The following EBF1 variants were observed in gnomAD, a reference collection of about 807,000 sequenced individuals.
EBF1 encodes transcription factor COE1.
In EBF1, 10 loss-of-function variants were observed where a neutral mutation model predicts 68.4. The observed-to-expected ratio is 0.15, with a 90% CI of 0.09 to 0.25. The LOEUF is 0.25. Ranked by LOEUF, EBF1 falls within the 10% of genes least tolerant of loss-of-function variation. The pLI, the probability that EBF1 is intolerant of heterozygous loss-of-function variation, is 1.00. For synonymous variants in EBF1, 298 were observed against 299.8 expected (o/e 0.99, Z 0.06); for missense variants, 509 against 794.4 (o/e 0.64, Z 4.32).
intron 6 of EBF1, among the ~76,000 whole-genome samples, chr5:158,889,825 A>G (rs188745717): frequency 2.1e-4 from 32 of 152,338 alleles, no homozygotes; most frequent in Non-Finnish European, 4.0e-4. Context: ...CACAGATTCA[A>G]CCAACCACAA....
intron 11 of EBF1, among the ~76,000 whole-genome samples, chr5:158,724,071 G>A: frequency 6.6e-6 from 1 of 152,154 alleles, no homozygotes; most frequent in Middle Eastern, 3.2e-3. Flanking sequence ...ATGGGGAAAT[G>A]GAATCTGCCT....
chr5:158,873,121 A>G (rs1239225053), intron 6 of EBF1, among the ~76,000 whole-genome samples: 2 of 147,474 alleles, frequency 1.4e-5, no homozygotes, highest in Non-Finnish European at 3.0e-5. Flanking sequence ...ACTCTGACTT[A>G]CTATAGTGGA....
At chr5:158,912,780 T>A (rs974791286) in intron 6 of EBF1, among the ~76,000 whole-genome samples, 3 of 152,178 alleles carry the variant, frequency 2.0e-5, no homozygotes, top group African/African-American at 7.2e-5. Context: ...GTGCCATGTT[T>A]TATACATCAC....
chr5:158,995,496 C>G (rs1162117934), intron 6 of EBF1, among the ~76,000 whole-genome samples: 3 of 152,140 alleles, frequency 2.0e-5, no homozygotes, highest in Admixed American at 6.5e-5. Flanking sequence ...CTTCTGAGTC[C>G]TGAGTCTAAA....
At chr5:158,962,168 CAA>C (rs1205802268) in intron 6 of EBF1, among the ~76,000 whole-genome samples, 1 of 152,152 alleles carries the variant, frequency 6.6e-6, no homozygotes, top group Non-Finnish European at 1.5e-5. Context: ...AATACGTAAA[CAA>C]CATTGTCAAC....
chr5:158,932,040 A>G (rs1304618760), intron 6 of EBF1, among the ~76,000 whole-genome samples: 1 of 152,200 alleles, frequency 6.6e-6, no homozygotes, highest in South Asian at 2.1e-4. Context: ...GTATGGATAC[A>G]GTGGATGGGC....
chr5:159,083,700 C>T (rs1475864632), intron 5 of EBF1, among the ~76,000 whole-genome samples: 1 of 152,244 alleles, frequency 6.6e-6, no homozygotes, highest in Non-Finnish European at 1.5e-5. Context: ...CATGCTGAGG[C>T]AGCAGCTGAA....
At chr5:158,727,024 C>A (rs1021237858) in intron 11 of EBF1, among the ~76,000 whole-genome samples, 1 of 152,194 alleles carries the variant, frequency 6.6e-6, no homozygotes, top group Non-Finnish European at 1.5e-5. Context: ...ACAACAATGC[C>A]GTGAGGCAGC....
chr5:158,715,271 T>C (rs1259506881), intron 11 of EBF1, among the ~76,000 whole-genome samples: 5 of 152,208 alleles, frequency 3.3e-5, no homozygotes, highest in Admixed American at 2.6e-4. Context: ...ACAATAGATT[T>C]CTACATGGAG....
rs373012917 is a variant in EBF1 at position 158,889,506 on chromosome 5, G to A, written c.555-49396C>T. Among the ~76,000 whole-genome samples, 308 of 152,304 alleles carry A rather than the reference G, an allele frequency of 2.0e-3. 3 individuals carry two copies. The highest frequency in any genetic ancestry group is 7.2e-3 in the African/African-American group (301 of 41,570). On this transcript the variant is annotated intron_variant, in intron 6 of 15. Transcript: ENST00000313708. ...GGAAAAAAACCTCAATGATGGCAAAGCTGAGCAGAAAGCTTGAGAATAAGT... is the reference window on the plus strand; with the variant it reads ...GGAAAAAAACCTCAATGATGGCAAAACTGAGCAGAAAGCTTGAGAATAAGT...
At chr5:158,936,822 C>T (rs183772984) in intron 6 of EBF1, among the ~76,000 whole-genome samples, 7 of 152,126 alleles carry the variant, frequency 4.6e-5, no homozygotes, top group African/African-American at 7.2e-5. Context: ...AGAGTAGGCA[C>T]GAGATAAATG....
chr5:159,039,079 T>G (rs750207981), intron 6 of EBF1, among the ~76,000 whole-genome samples: 14 of 152,232 alleles, frequency 9.2e-5, no homozygotes, highest in Non-Finnish European at 1.8e-4. Flanking sequence ...ATCCATTTAC[T>G]CAATCTGCTA....
intron 10 of EBF1, among the ~76,000 whole-genome samples, chr5:158,763,381 A>G (rs758789389): frequency 6.6e-6 from 1 of 152,206 alleles, no homozygotes; most frequent in Non-Finnish European, 1.5e-5. Context: ...CTGCTCTTAC[A>G]GTGGGCTCCC....
intron 4 of EBF1, among the ~76,000 whole-genome samples, chr5:159,086,227 TTC>T (rs369448313): frequency 6.6e-6 from 1 of 152,296 alleles, no homozygotes; most frequent in Middle Eastern, 3.4e-3. Flanking sequence ...CTGTAGTTTT[TTC>T]TGAATCATTT....
chr5:158,866,931 C>T (rs1243692289), intron 6 of EBF1, among the ~76,000 whole-genome samples: 1 of 143,940 alleles, frequency 6.9e-6, no homozygotes, highest in East Asian at 2.1e-4. Flanking sequence ...CACATACAGA[C>T]ATACCACACA....
intron 6 of EBF1, among the ~76,000 whole-genome samples, chr5:158,927,923 AAC>A (rs980938529): frequency 6.6e-6 from 1 of 152,236 alleles, no homozygotes; most frequent in African/African-American, 2.4e-5. Context: ...CCTAAAATCA[AAC>A]ACAGCTAGAA....
At chr5:159,098,027 C>G (rs537570084) in intron 1 of EBF1, among the ~76,000 whole-genome samples, 1 of 152,252 alleles carries the variant, frequency 6.6e-6, no homozygotes, top group Admixed American at 6.5e-5. Context: ...ACCACCCACC[C>G]CCATCCTAAT....
At chr5:159,003,530 T>C (rs1355602623) in intron 6 of EBF1, among the ~76,000 whole-genome samples, 1 of 152,210 alleles carries the variant, frequency 6.6e-6, no homozygotes, top group Non-Finnish European at 1.5e-5. Context: ...AAGGTGATTA[T>C]TGAGGACTAA....
At chr5:158,750,489 A>G (rs1343183602) in intron 10 of EBF1, among the ~76,000 whole-genome samples, 2 of 152,124 alleles carry the variant, frequency 1.3e-5, no homozygotes, top group African/African-American at 2.4e-5. Context: ...AAATGAATCT[A>G]GTTTGCAACT....
Sources: allele counts gnomAD v4.1 joint callset (sites outside exome capture counted in the v4.1 genomes callset), GRCh38; gene constraint gnomAD v4.1.1; transcripts MANE v1.5; gene names NCBI Gene and HGNC (gene_info 2026-07-23, HGNC 2026-07-21).